CAMK1D: variants seen among roughly 807,000 people sequenced by gnomAD.
The protein encoded by CAMK1D is calcium/calmodulin-dependent protein kinase type 1D.
A neutral mutation model predicts 47.7 loss-of-function variants in CAMK1D; 9 were observed. That is an observed-to-expected ratio of 0.19 (90% CI 0.11 to 0.33). The LOEUF (loss-of-function observed/expected upper bound fraction) is 0.33. Among genes scored for constraint, CAMK1D ranks in the 10% least tolerant of loss-of-function variants. The pLI, the probability that CAMK1D is intolerant of heterozygous loss-of-function variation, is 1.00. For missense variants in CAMK1D, 291 were observed against 488.7 expected (o/e 0.60, Z 3.81); for synonymous variants, 184 against 184.9 (o/e 0.99, Z 0.04).
chr10:12,463,833 T>C (rs1275669516), intron 1 of CAMK1D, among the ~76,000 whole-genome samples: 1 of 152,114 alleles, frequency 6.6e-6, no homozygotes, highest in East Asian at 1.9e-4. Context: ...GGGTAGGTTT[T>C]CCCCATGCTG....
At chr10:12,655,107 A>G (rs1840082800) in intron 2 of CAMK1D, among the ~76,000 whole-genome samples, 1 of 152,216 alleles carries the variant, frequency 6.6e-6, no homozygotes, top group Admixed American at 6.5e-5. Context: ...TTATAGGAAA[A>G]GAGGTTTAAT....
chr10:12,716,677 C>T lies in CAMK1D; in HGVS notation c.300-44271C>T, dbSNP rs576125256. ...TACGACTGCGTCATGTGAATTGGAA[C>T]AATTCAACTAAATTAACAGTATGGC... On this transcript the variant is annotated intron_variant, in intron 3 of 10. Coordinates refer to ENST00000619168, the MANE Select transcript of CAMK1D (RefSeq NM_153498.4). Among the ~76,000 whole-genome samples, 150 of 152,202 alleles carry T rather than the reference C, an allele frequency of 9.9e-4. 1 individual carries two copies. Among genetic ancestry groups the T allele is most frequent in the African/African-American group, 3.4e-3 (141 of 41,522 alleles).
chr10:12,536,135 C>T (rs1375332828), intron 1 of CAMK1D, among the ~76,000 whole-genome samples: 1 of 151,140 alleles, frequency 6.6e-6, no homozygotes, highest in South Asian at 2.1e-4. Context: ...TCAAATTTAC[C>T]CAAAAGTGTA....
chr10:12,447,614 A>G (rs1348870935), intron 1 of CAMK1D, among the ~76,000 whole-genome samples: 1 of 152,104 alleles, frequency 6.6e-6, no homozygotes, highest in African/African-American at 2.4e-5. Flanking sequence ...AGGTGGGAGG[A>G]TTGCCTGAGC....
chr10:12,568,630 T>C (rs548602777), intron 2 of CAMK1D, among the ~76,000 whole-genome samples: 15 of 151,146 alleles, frequency 9.9e-5, no homozygotes, highest in African/African-American at 3.6e-4. Flanking sequence ...TATTCATCTT[T>C]TTTTGTTTTG....
rs1411377019 is a variant in CAMK1D at position 12,424,021 on chromosome 10, G to T, written c.92+74111G>T. ...AAGGCCACCCATCTCGCCGTCTTTGGCCTCTTCATCCACGCCGTGCGGCCT... is the reference window on the plus strand; with the variant it reads ...AAGGCCACCCATCTCGCCGTCTTTGTCCTCTTCATCCACGCCGTGCGGCCT... On this transcript the variant is annotated intron_variant, in intron 1 of 10. Transcript: ENST00000619168. 3.3e-5 allele frequency among the ~76,000 whole-genome samples: 5 copies of T among 152,216 alleles called. No homozygotes were observed. The East Asian group carries it at 9.7e-4, about 29-fold the overall frequency.
chr10:12,647,563 A>AT (rs1839846697), intron 2 of CAMK1D, among the ~76,000 whole-genome samples: 1 of 152,144 alleles, frequency 6.6e-6, no homozygotes, highest in Non-Finnish European at 1.5e-5. Flanking sequence ...ATTTCCATCT[A>AT]TGAATATATA....
intron 3 of CAMK1D, among the ~76,000 whole-genome samples, chr10:12,752,906 G>A (rs1836054467): frequency 6.6e-6 from 1 of 152,188 alleles, no homozygotes; most frequent in African/African-American, 2.4e-5. Context: ...CACTTGTCAT[G>A]TACTCAAGGA....
chr10:12,522,594 C>G (rs11257850), intron 1 of CAMK1D, among the ~76,000 whole-genome samples: 1 of 151,868 alleles, frequency 6.6e-6, no homozygotes, highest in Non-Finnish European at 1.5e-5. Flanking sequence ...CCCATGTCCA[C>G]TTCTTTCCAC....
At chr10:12,602,911 T>G (rs1838346897) in intron 2 of CAMK1D, among the ~76,000 whole-genome samples, 1 of 147,180 alleles carries the variant, frequency 6.8e-6, no homozygotes, top group African/African-American at 2.5e-5. Flanking sequence ...ATTATTATTA[T>G]TATTATTATT....
intron 1 of CAMK1D, among the ~76,000 whole-genome samples, chr10:12,438,779 A>G (rs979033303): frequency 2.6e-5 from 4 of 152,346 alleles, no homozygotes; most frequent in African/African-American, 9.6e-5. Context: ...CCTTAGAGGA[A>G]ACCTTTGCTT....
At chr10:12,381,937 C>A (rs1021121182) in intron 1 of CAMK1D, among the ~76,000 whole-genome samples, 17 of 152,066 alleles carry the variant, frequency 1.1e-4, no homozygotes, top group Admixed American at 7.9e-4. Context: ...GAAAAAAAAA[C>A]TGTTTTGCTA....
At chr10:12,541,889 T>TCCTTCCTTCCTTCCTTCC (rs760116191) in intron 1 of CAMK1D, among the ~76,000 whole-genome samples, 58 of 141,978 alleles carry the variant, frequency 4.1e-4, no homozygotes, top group East Asian at 1.0e-3. Context: ...CTTCCTTCCT[T>TCCTTCCTTCCTTCCTTCC]TTTTTTTTTC....
chr10:12,699,964 T>C (rs1833446550), intron 3 of CAMK1D, among the ~76,000 whole-genome samples: 1 of 152,076 alleles, frequency 6.6e-6, no homozygotes, highest in South Asian at 2.1e-4. Flanking sequence ...TGTCTAAACA[T>C]GTTGTAGCAA....
chr10:12,391,727 C>T (rs564381939), intron 1 of CAMK1D, among the ~76,000 whole-genome samples: 22 of 152,240 alleles, frequency 1.4e-4, no homozygotes, highest in Non-Finnish European at 2.6e-4. Flanking sequence ...CTATCTTCCT[C>T]ACAGTGCCAT....
chr10:12,393,340 T>C (rs1838816036), intron 1 of CAMK1D, among the ~76,000 whole-genome samples: 3 of 152,166 alleles, frequency 2.0e-5, no homozygotes, highest in African/African-American at 7.2e-5. Context: ...CTTTTCTTCC[T>C]TTTTTAAGGA....
chr10:12,780,794 A>G (rs895792333), intron 5 of CAMK1D, among the ~76,000 whole-genome samples: 1 of 152,216 alleles, frequency 6.6e-6, no homozygotes, highest in Admixed American at 6.5e-5. Flanking sequence ...AGAAATTGTC[A>G]TACAGGGCAC....
intron 5 of CAMK1D, among the ~76,000 whole-genome samples, chr10:12,781,591 GC>G (rs1837494650): frequency 6.6e-6 from 1 of 151,956 alleles, no homozygotes; most frequent in East Asian, 1.9e-4. Context: ...GACTTCTCAT[GC>G]CTGTGGTGAA....
At chr10:12,397,360 C>A (rs188259638) in intron 1 of CAMK1D, among the ~76,000 whole-genome samples, 44 of 152,244 alleles carry the variant, frequency 2.9e-4, no homozygotes, top group African/African-American at 1.0e-3. Flanking sequence ...TCTAAGGTAG[C>A]CCTGCTGAGT....
Sources: allele counts gnomAD v4.1 joint callset (sites outside exome capture counted in the v4.1 genomes callset), GRCh38; gene constraint gnomAD v4.1.1; transcripts MANE v1.5; gene names NCBI Gene and HGNC (gene_info 2026-07-23, HGNC 2026-07-21).